Variants in TCTN3 observed in about 807,000 individuals in gnomAD.
TCTN3 encodes tectonic-3.
TCTN3 carries 57 observed loss-of-function variants against 71.3 expected under a neutral mutation model. The ratio of observed to expected loss-of-function variants is 0.80; its 90% CI spans 0.65 to 1.00. TCTN3 has a LOEUF of 1.00. TCTN3 is among the 50% of genes least tolerant of loss of function. The probability of loss-of-function intolerance (pLI) is 0.00; values close to 1 mark genes in which losing one functional copy is unlikely to be tolerated. For synonymous variants in TCTN3, 258 were observed against 267.8 expected, an observed-to-expected ratio of 0.96 and a Z score of 0.36; for missense variants, 696 against 719.9, an observed-to-expected ratio of 0.97 and a Z score of 0.38.
rs900547752 is a variant in TCTN3 at position 95,663,875 on chromosome 10, G to C, written c.*192C>G. On this transcript the variant is annotated 3_prime_UTR_variant, in exon 14 of 14. Transcript: ENST00000371217. ...TGGCCTGCAGAGCCCAAAGCAGAGA[G>C]CTATGATGAATAAAATATTTTTATT... The C allele has an allele frequency of 5.4e-6, 3 of 557,802 alleles. No individual in the cohort carries two copies. Among genetic ancestry groups the C allele is most frequent in the Non-Finnish European group, 9.5e-6 (3 of 314,668 alleles). 34.6% of individuals were successfully genotyped at this position (557,802 alleles called of 1,614,324 possible).
intron 9 of TCTN3, among the ~76,000 whole-genome samples, 198 bp downstream of exon 9, chr10:95,684,301 T>C (rs1015526491): frequency 6.6e-6 from 1 of 152,140 alleles, no homozygotes; most frequent in African/African-American, 2.4e-5. Context: ...TTGGAGAAAA[T>C]TTTAATGAGT....
At chr10:95,693,154 G>T in intron 2 of TCTN3, 116 bp from the exon 3 acceptor site, 1 of 1,188,012 alleles carries the variant, frequency 8.4e-7, no homozygotes, top group Non-Finnish European at 1.2e-6. Context: ...GGCACCTATA[G>T]GACGACACGA....
At chr10:95,686,400 T>G in intron 7 of TCTN3, 95 bp downstream of exon 7, 1 of 1,318,280 alleles carries the variant, frequency 7.6e-7, no homozygotes, top group Non-Finnish European at 1.1e-6. Flanking sequence ...CACGCTTACA[T>G]TTATCTTTCA....
rs1249023851 is a variant in TCTN3, at chr10:95,693,362, C to T, written c.371G>A (p.Gly124Asp). 1.3e-6 allele frequency: 2 copies of T among 1,551,718 alleles called. No individual in the cohort carries two copies. Among genetic ancestry groups the T allele is most frequent in the Admixed American group, 3.9e-5 (2 of 50,992 alleles). Residue 124 changes from glycine to aspartate, a missense_variant, in exon 2 of 14, where the codon GGC (glycine) becomes GAC (aspartate). Gly to Asp is a moderately conservative substitution (Grantham distance 94, BLOSUM62 -1). Transcript: ENST00000371217. ...GAGCAACGAAGCTCACCTTACGCTG[C>T]CTGGAAGGCAGAAGGAGAAAACTGT... ...PRTVFSFCLP[G>D]SVRSSSWVCV... is the part of the protein sequence containing the mutation.
In TCTN3 at chr10:95,680,487, C is replaced by T. The variant is rs768137956; in HGVS notation, c.1575G>A (p.Gln525=). Residue 525 remains glutamine (Q), a synonymous_variant, in exon 13 of 14, where the codon CAG becomes CAA. Transcript: ENST00000371217. Reference sequence around the variant, plus strand: ...CATGACTTACCTGTATAGACTGGCACTGGTATAGGAATCGAACTCCTGATA... The same window carrying T: ...CATGACTTACCTGTATAGACTGGCATTGGTATAGGAATCGAACTCCTGATA... ...AHVSGVRFLY[Q]CQSIQDSQQV... is the part of the protein sequence containing the mutation. 1.5e-4 allele frequency: 242 copies of T among 1,613,784 alleles called. No individual in the cohort carries two copies. Among genetic ancestry groups the T allele is most frequent in the Non-Finnish European group, 1.9e-4 (221 of 1,179,930 alleles).
Position 95,687,456 on chromosome 10 carries a change from G to A in TCTN3, c.628-101C>T, listed in dbSNP as rs549399419. On this transcript the variant is annotated intron_variant, in intron 4 of 13. Transcript: ENST00000371217. ...AAGGTTAACTCAAGGGCATGATTACGTGGACAGTACTGCCCTCCAAAGAGC... is the reference window on the plus strand; with the variant it reads ...AAGGTTAACTCAAGGGCATGATTACATGGACAGTACTGCCCTCCAAAGAGC... The A allele has an allele frequency of 7.3e-6, 11 of 1,504,994 alleles. No individual in the cohort carries two copies. The East Asian group carries it at 9.1e-5, about 12-fold the overall frequency. The allele number at this position is 1,504,994 out of a possible 1,614,324, so 93.2% of individuals were successfully genotyped here.
At chr10:95,687,404 C>G in intron 4 of TCTN3, 49 bp from the exon 5 acceptor site, 1 of 1,545,184 alleles carries the variant, frequency 6.5e-7, no homozygotes, top group African/African-American at 1.4e-5. Flanking sequence ...CTGGACTAAA[C>G]TACAACAGAA....
chr10:95,691,248 G>A (rs2097953266), intron 3 of TCTN3, among the ~76,000 whole-genome samples: 1 of 152,102 alleles, frequency 6.6e-6, no homozygotes, highest in Non-Finnish European at 1.5e-5. Flanking sequence ...AGCCTCCCAG[G>A]CTCACATGAT....
Position 95,683,510 on chromosome 10 carries a change from TA to T in TCTN3, c.1203+11del. On this transcript the variant is annotated intron_variant, in intron 10 of 13. Transcript: ENST00000371217. Reference sequence around the variant, plus strand: ...TAGGCTGCAACAGGCCACCCAGCTCTAAAAAGGATACTGAGTAACTTATATC... The same window carrying T: ...TAGGCTGCAACAGGCCACCCAGCTCTAAAAGGATACTGAGTAACTTATATC... 1 of 1,614,178 alleles carries T rather than the reference TA, an allele frequency of 6.2e-7. No homozygotes were observed.
At chr10:95,674,802 C>CATTCAGTCT (rs2097935242) in intron 13 of TCTN3, among the ~76,000 whole-genome samples, 2 of 150,606 alleles carry the variant, frequency 1.3e-5, no homozygotes, top group Admixed American at 1.3e-4. Flanking sequence ...GCCAGAGTGA[C>CATTCAGTCT]AGAGCGAGAC....
chr10:95,688,596 C>T (rs1026249014), intron 3 of TCTN3, among the ~76,000 whole-genome samples: 1 of 152,014 alleles, frequency 6.6e-6, no homozygotes, highest in Admixed American at 6.6e-5. Context: ...CTGACAAGTC[C>T]TAACAACAAC....
At chr10:95,667,126 T>C (rs760078437) in intron 13 of TCTN3, among the ~76,000 whole-genome samples, 3 of 152,130 alleles carry the variant, frequency 2.0e-5, no homozygotes, top group Non-Finnish European at 2.9e-5. Context: ...CAAGTATATA[T>C]ATTAATATCT....
intron 12 of TCTN3, 136 bp downstream of exon 12, chr10:95,682,515 G>C: frequency 9.7e-7 from 1 of 1,035,696 alleles, no homozygotes; most frequent in Non-Finnish European, 1.3e-6. Flanking sequence ...GGCTTCAAGT[G>C]GGCATGATTT....
At chr10:95,676,157 A>G (rs80269092) in intron 13 of TCTN3, among the ~76,000 whole-genome samples, 1,892 of 152,340 alleles carry the variant, frequency 0.012, 50 homozygotes, top group African/African-American at 0.044. Flanking sequence ...GTATCCTCTG[A>G]AAGTGTTTTT....
At chr10:95,668,775 A>C (rs2097928153) in intron 13 of TCTN3, among the ~76,000 whole-genome samples, 1 of 152,258 alleles carries the variant, frequency 6.6e-6, no homozygotes, top group Non-Finnish European at 1.5e-5. Flanking sequence ...CAGTACAAGA[A>C]AGTCCCACGA....
In TCTN3 at chr10:95,684,479, T is replaced by A. The variant is rs1566072997; in HGVS notation, c.1095+20A>T. ...AATATTTCTTCCCCTCTAAATCCCC[T>A]ATAAGAGAAGGGCCCTAACCCTGAA... On this transcript the variant is annotated intron_variant, in intron 9 of 13. Transcript: ENST00000371217. The A allele has an allele frequency of 1.2e-6, 2 of 1,611,980 alleles. No individual in the cohort carries two copies. Among genetic ancestry groups the A allele is most frequent in the Non-Finnish European group, 1.7e-6 (2 of 1,179,250 alleles).
At chr10:95,686,319 G>A (rs1435736654) in intron 7 of TCTN3, among the ~76,000 whole-genome samples, 176 bp downstream of exon 7, 3 of 152,180 alleles carry the variant, frequency 2.0e-5, no homozygotes, top group Admixed American at 6.5e-5. Context: ...GGTTTCATAC[G>A]AGGCTATTAA....
intron 12 of TCTN3, 125 bp downstream of exon 12, chr10:95,682,526 C>G: frequency 2.5e-6 from 3 of 1,184,408 alleles, no homozygotes; most frequent in Non-Finnish European, 3.5e-6. Context: ...GGCATGATTT[C>G]TTATACTCTT....
chr10:95,686,380 T>C (rs1441989341), intron 7 of TCTN3, 115 bp downstream of exon 7: 4 of 1,106,308 alleles, frequency 3.6e-6, no homozygotes, highest in Non-Finnish European at 5.5e-6. Context: ...TACTTAATTG[T>C]TTGCTACATC....
Sources: gnomAD v4.1 joint callset for allele counts (sites outside exome capture counted in the v4.1 genomes callset) on GRCh38, gnomAD v4.1.1 for gene constraint, MANE v1.5 for transcripts, NCBI Gene and HGNC (gene_info 2026-07-23, HGNC 2026-07-21) for gene names.